WDR62: variants seen among roughly 807,000 people sequenced by gnomAD.
WDR62 encodes WD repeat-containing protein 62.
WDR62 carries 112 observed loss-of-function variants against 160.6 expected under a neutral mutation model. The ratio of observed to expected loss-of-function variants is 0.70; its 90% confidence interval spans 0.60 to 0.82. The LOEUF is 0.82. Among genes scored for constraint, WDR62 ranks in the 40% least tolerant of loss-of-function variants. The pLI is 0.00. For missense variants in WDR62, 1,819 were observed against 1,983.8 expected (o/e 0.92, Z 1.58); for synonymous variants, 792 against 815.1 (o/e 0.97, Z 0.48).
rs758745670 is a variant in WDR62, at chr19:36,092,833, C to A, written c.2333+22C>A. 4.3e-6 allele frequency: 7 copies of A among 1,613,626 alleles called. No individual in the cohort carries two copies. In the Admixed American group the frequency reaches 1.2e-4, roughly 27 times the overall value. On this transcript the variant is annotated intron_variant, in intron 19 of 31. Transcript: ENST00000401500. Reference sequence around the variant, plus strand: ...CCAGGTCCTGGCAGCCCCTGCCTGTCCACCAGAGGGATGAGTCCCTGCCAG... The same window carrying A: ...CCAGGTCCTGGCAGCCCCTGCCTGTACACCAGAGGGATGAGTCCCTGCCAG...
chr19:36,065,367 G>T (rs1182906300), intron 3 of WDR62, among the ~76,000 whole-genome samples: 2 of 152,356 alleles, frequency 1.3e-5, no homozygotes, highest in East Asian at 3.9e-4. Context: ...TTAAAAGAGA[G>T]AAGGGAGTAG....
rs1405457410 is a variant in WDR62, at chr19:36,103,036, A to G, written c.3424A>G (p.Arg1142Gly). 3 of 1,614,130 alleles carry G rather than the reference A, an allele frequency of 1.9e-6. No individual in the cohort carries two copies. The highest frequency in any genetic ancestry group is 1.1e-5 in the South Asian group (1 of 91,084). ...CATGGACCGAGGCGGAAGCCAGCCCAGAGCAGGTACTGGCTACGCCTCCCC... is the reference window on the plus strand; with the variant it reads ...CATGGACCGAGGCGGAAGCCAGCCCGGAGCAGGTACTGGCTACGCCTCCCC... ...KLMDRGGSQP[R>G]AGTGYASPDR... is the part of the protein sequence containing the mutation. The change falls in exon 28 of 32, where the codon AGA (arginine) becomes GGA (glycine). Residue 1142 changes from arginine (R) to glycine (G), a missense_variant. Around this residue, in one of 3 missense-constraint regions of WDR62, gnomAD observed 770 missense variants for 734.2 expected, o/e 1.05. Transcript: ENST00000401500.
intron 1 of WDR62, among the ~76,000 whole-genome samples, chr19:36,057,026 G>A (rs1322687037): frequency 6.6e-6 from 1 of 152,058 alleles, no homozygotes; most frequent in Non-Finnish European, 1.5e-5. Flanking sequence ...TGTTGGCCAG[G>A]CTGGTCTTGA....
At chr19:36,104,277 G>C (rs2145884368) in intron 30 of WDR62, among the ~76,000 whole-genome samples, 1 of 152,312 alleles carries the variant, frequency 6.6e-6, no homozygotes, top group Admixed American at 6.5e-5. Context: ...AGGAGGGACA[G>C]AGGAGGGCGA....
rs1568355536 is a variant in WDR62 at position 36,090,447 on chromosome 19, T to C, written c.1961T>C (p.Val654Ala). 25 of 1,613,748 alleles carry C rather than the reference T, an allele frequency of 1.5e-5. No homozygotes were observed. The highest frequency in any genetic ancestry group is 2.1e-5 in the Non-Finnish European group (25 of 1,179,890). The change falls in exon 16 of 32, where the codon GTC (valine) becomes GCC (alanine). Residue 654 changes from valine (V) to alanine (A), a missense_variant and splice_region_variant. Physicochemically the swap from Val to Ala is moderately conservative, Grantham distance 64. Coordinates refer to ENST00000401500, the MANE Select transcript of WDR62 (RefSeq NM_001083961.2). Reference protein sequence around the residue: ...AVACQDRNVRVYNTVNGKQKK... With the variant: ...AVACQDRNVRAYNTVNGKQKK... Reference sequence around the variant, plus strand: ...GCAACATGCCCCTACTTCCCCAGAGTCTACAACACTGTGAACGGGAAGCAG... The same window carrying C: ...GCAACATGCCCCTACTTCCCCAGAGCCTACAACACTGTGAACGGGAAGCAG...
At chr19:36,067,795 A>G in intron 6 of WDR62, 33 bp from the exon 7 acceptor site, 2 of 1,611,694 alleles carry the variant, frequency 1.2e-6, no homozygotes, top group South Asian at 1.1e-5. Context: ...AGCTGTGTGG[A>G]CAAGTATCTC....
chr19:36,073,195 G>A, intron 8 of WDR62, 147 bp from the exon 9 acceptor site: 3 of 834,634 alleles, frequency 3.6e-6, no homozygotes, highest in Non-Finnish European at 6.0e-6. Context: ...AGGGAAGAGG[G>A]AAAAGTAGAA....
chr19:36,093,213 G>A (rs138395438), intron 19 of WDR62, among the ~76,000 whole-genome samples: 26 of 152,324 alleles, frequency 1.7e-4, no homozygotes, highest in African/African-American at 5.3e-4. Context: ...GCCCCAAGCG[G>A]CTGTGGGAAC....
chr19:36,061,655 T>C (rs1044622180), intron 3 of WDR62: 1 of 152,074 alleles, frequency 6.6e-6, no homozygotes, highest in African/African-American at 2.4e-5. Context: ...GGATCTATAG[T>C]AGATGGTATG....
intron 28 of WDR62, 39 bp from the exon 29 acceptor site, chr19:36,103,117 C>A: frequency 6.2e-7 from 1 of 1,614,036 alleles, no homozygotes; most frequent in Non-Finnish European, 8.5e-7. Context: ...GGGCTGGGAA[C>A]CCTGAGGCCT....
At chr19:36,088,037 A>C (rs1179715919) in intron 13 of WDR62, among the ~76,000 whole-genome samples, 1 of 152,168 alleles carries the variant, frequency 6.6e-6, no homozygotes, top group African/African-American at 2.4e-5. Flanking sequence ...GGTCCCTCCC[A>C]GGTTACCCTT....
Position 36,104,905 on chromosome 19 carries a change from C to T in WDR62, c.4449C>T (p.Pro1483=), listed in dbSNP as rs1249152083. The change falls in exon 32 of 32, where the codon CCC becomes CCT. Residue 1483 remains proline (P), a synonymous_variant. Transcript: ENST00000401500. ...GTSVAPAQAL[P]SPGPPSPPTL... is the part of the protein sequence containing the mutation. ...GTGTGGCCCCAGCCCAGGCTCTGCC[C>T]AGCCCAGGACCCCCGTCCCCACCGA... 2 of 1,611,022 alleles carry T rather than the reference C, an allele frequency of 1.2e-6. No individual in the cohort carries two copies. Among genetic ancestry groups the T allele is most frequent in the Non-Finnish European group, 1.7e-6 (2 of 1,179,676 alleles).
rs60492874 is a variant in WDR62, at chr19:36,094,209, CAT to C, written c.2467+46_2467+47del. The C allele has an allele frequency of 0.14, 231,728 of 1,610,716 alleles. 18,851 individuals carry two copies. Among genetic ancestry groups the C allele is most frequent in the Admixed American group, 0.3 (18,225 of 59,858 alleles). ...TTTGAACTATGTCAGTGTAGGGAAT[CAT>C]TGCTGGGTTTTGCCCATGACCTTGT... On this transcript the variant is annotated intron_variant, in intron 20 of 31. Transcript: ENST00000401500.
intron 7 of WDR62, 41 bp from the exon 8 acceptor site, chr19:36,071,515 G>A (rs373611966): frequency 2.2e-5 from 36 of 1,613,926 alleles, no homozygotes; most frequent in Admixed American, 6.7e-5. Context: ...GCCAGGCCAC[G>A]TGAAGCACCA....
At chr19:36,081,655 T>C (rs1367498789) in intron 10 of WDR62, 85 bp downstream of exon 10, 3 of 1,593,410 alleles carry the variant, frequency 1.9e-6, no homozygotes, top group Non-Finnish European at 2.6e-6. Flanking sequence ...GAGAGTCTGA[T>C]GGACCCTAGA....
chr19:36,076,062 G>A (rs1455792247), intron 9 of WDR62: 1 of 151,942 alleles, frequency 6.6e-6, no homozygotes, highest in South Asian at 2.1e-4. Flanking sequence ...TTAATCTATT[G>A]TAATTATTAA....
chr19:36,076,672 C>A (rs1392792401), intron 9 of WDR62, among the ~76,000 whole-genome samples: 2 of 149,100 alleles, frequency 1.3e-5, no homozygotes, highest in African/African-American at 4.9e-5. Context: ...TTGGGTCGTT[C>A]TTCCAGAAGC....
chr19:36,059,277 C>T (rs1970523177), intron 2 of WDR62, among the ~76,000 whole-genome samples: 1 of 152,080 alleles, frequency 6.6e-6, no homozygotes, highest in Non-Finnish European at 1.5e-5. Flanking sequence ...GAAGAAGATG[C>T]TACAGCTGTT....
intron 8 of WDR62, among the ~76,000 whole-genome samples, chr19:36,072,123 A>G (rs1023900799): frequency 1.1e-4 from 16 of 152,232 alleles, no homozygotes; most frequent in African/African-American, 3.4e-4. Flanking sequence ...TCTCTGCAGT[A>G]TAGCAAGGGG....
Sources: allele counts gnomAD v4.1 joint callset (sites outside exome capture counted in the v4.1 genomes callset), GRCh38; gene constraint gnomAD v4.1.1; regional missense constraint gnomAD v4.1.1; transcripts MANE v1.5; gene names NCBI Gene and HGNC (gene_info 2026-07-23, HGNC 2026-07-21).